Variants in TENM2 observed in about 807,000 individuals in gnomAD.
The protein encoded by TENM2 is teneurin-2.
In TENM2, 52 loss-of-function variants were observed where a neutral mutation model predicts 245.2. That is an observed-to-expected ratio of 0.21 (90% CI 0.17 to 0.27). The LOEUF (loss-of-function observed/expected upper bound fraction) is 0.27. Ranked by LOEUF, TENM2 falls within the 10% of genes least tolerant of loss-of-function variation. TENM2 has a pLI of 1.00. For synonymous variants in TENM2, 1,363 were observed against 1,438.9 expected, an observed-to-expected ratio of 0.95 and a Z score of 1.19; for missense variants, 3,046 against 3,666.8, an observed-to-expected ratio of 0.83 and a Z score of 4.37.
intron 5 of TENM2, among the ~76,000 whole-genome samples, chr5:168,007,546 C>T (rs1196344508): frequency 1.3e-5 from 2 of 152,176 alleles, no homozygotes; most frequent in Non-Finnish European, 2.9e-5. Flanking sequence ...AGATGAGTTT[C>T]AGTCATGATC....
intron 2 of TENM2, among the ~76,000 whole-genome samples, chr5:167,783,174 T>C (rs1262412611): frequency 2.7e-3 from 5 of 1,820 alleles, no homozygotes; most frequent in South Asian, 0.083. Context: ...TAGAAACAGG[T>C]TTTTTTTTTT....
At chr5:167,493,317 C>A (rs1008655760) in intron 2 of TENM2, among the ~76,000 whole-genome samples, 1 of 152,022 alleles carries the variant, frequency 6.6e-6, no homozygotes, top group Non-Finnish European at 1.5e-5. Flanking sequence ...CCTTTATTGG[C>A]ACAATGAGAA....
rs541434383 is a variant in TENM2, at chr5:167,458,749, C to T, written c.502+83276C>T. Among the ~76,000 whole-genome samples the T allele has an allele frequency of 7.9e-5, 12 of 152,196 alleles. No homozygotes were observed. In the South Asian group the frequency reaches 8.3e-4, roughly 11 times the overall value. On this transcript the variant is annotated intron_variant, in intron 2 of 28. Transcript: ENST00000518659. ...ATTATATAAACACATTTTATCCTTA[C>T]AACACCTCTATGAAGAAAATACTAT... is the stretch of plus-strand genomic sequence containing the variant.
At chr5:167,937,450 T>C (rs1778810953) in intron 3 of TENM2, among the ~76,000 whole-genome samples, 1 of 152,166 alleles carries the variant, frequency 6.6e-6, no homozygotes, top group African/African-American at 2.4e-5. Flanking sequence ...GGCAGACTGT[T>C]TTCCAGACTG....
At chr5:167,261,551 G>A in the TENM2 span, among the ~76,000 whole-genome samples, 1 of 152,088 alleles carries the variant, frequency 6.6e-6, no homozygotes, top group South Asian at 2.1e-4. Flanking sequence ...TCCAGGTGAA[G>A]ACAGCAGCAT....
chr5:168,051,370 C>A (rs1224717257), intron 6 of TENM2, among the ~76,000 whole-genome samples: 1 of 152,082 alleles, frequency 6.6e-6, no homozygotes, highest in Non-Finnish European at 1.5e-5. Context: ...TCTATGGCTA[C>A]TTTCAGAATA....
At chr5:167,241,399 G>T in the TENM2 span, among the ~76,000 whole-genome samples, 6 of 152,308 alleles carry the variant, frequency 3.9e-5, no homozygotes, top group Non-Finnish European at 7.3e-5. Flanking sequence ...GAAAGATGGA[G>T]TCAAAATGAA....
intron 2 of TENM2, among the ~76,000 whole-genome samples, chr5:167,576,454 T>G (rs918357554): frequency 5.3e-5 from 8 of 152,168 alleles, no homozygotes; most frequent in African/African-American, 1.9e-4. Context: ...TGAATTATAT[T>G]GAATCATTAC....
At chr5:167,700,697 T>A (rs1427309154) in intron 2 of TENM2, among the ~76,000 whole-genome samples, 2 of 152,190 alleles carry the variant, frequency 1.3e-5, no homozygotes, top group African/African-American at 4.8e-5. Context: ...CTGGGTTATA[T>A]GAAATTATTC....
Position 168,058,549 on chromosome 5 carries a change from T to C in TENM2, c.1310-3511T>C, listed in dbSNP as rs549726467. Among the ~76,000 whole-genome samples the C allele has an allele frequency of 4.0e-4, 61 of 152,176 alleles. 1 individual carries two copies. Among genetic ancestry groups the C allele is most frequent in the South Asian group, 8.3e-4 (4 of 4,818 alleles). ...GTTGGGGTGGTATTGTAAAGGAAAG[T>C]AGAACTTTAGTGTGAAGGTGCACTT... On this transcript the variant is annotated intron_variant, in intron 6 of 28. Transcript: ENST00000518659.
At chr5:167,911,367 A>G (rs1455774561) in intron 3 of TENM2, among the ~76,000 whole-genome samples, 1 of 151,386 alleles carries the variant, frequency 6.6e-6, no homozygotes, top group Non-Finnish European at 1.5e-5. Flanking sequence ...TCTACTAAAA[A>G]TACAAAAAAA....
At position 167,625,290 on chromosome 5, in the gene TENM2, C is replaced by T. The variant is rs184481263; in HGVS notation, c.502+249817C>T. Among the ~76,000 whole-genome samples the T allele has an allele frequency of 5.9e-5, 9 of 152,268 alleles. No homozygotes were observed. In the East Asian group the frequency reaches 1.5e-3, roughly 26 times the overall value. On this transcript the variant is annotated intron_variant, in intron 2 of 28. Coordinates refer to ENST00000518659, the Ensembl canonical transcript of TENM2. Reference sequence around the variant, plus strand: ...CAATACGTTTAATTTTATGTGTGATCGTGTGGCATTGTAAAATATAAGAAG... The same window carrying T: ...CAATACGTTTAATTTTATGTGTGATTGTGTGGCATTGTAAAATATAAGAAG...
At chr5:167,556,428 A>ATATATG (rs1046750559) in intron 2 of TENM2, among the ~76,000 whole-genome samples, 2 of 150,148 alleles carry the variant, frequency 1.3e-5, no homozygotes, top group African/African-American at 4.9e-5. Context: ...TTACATATAT[A>ATATATG]TATATATATA....
At chr5:167,299,117 G>A (rs1755150066) in intron 1 of TENM2, among the ~76,000 whole-genome samples, 1 of 152,166 alleles carries the variant, frequency 6.6e-6, no homozygotes, top group Admixed American at 6.5e-5. Flanking sequence ...TGAGCCTGGT[G>A]AGGTGTGTTT....
chr5:167,181,902 G>T, the TENM2 span, among the ~76,000 whole-genome samples: 2 of 152,128 alleles, frequency 1.3e-5, no homozygotes, highest in African/African-American at 4.8e-5. Context: ...TAGAATTAAA[G>T]CACTTTTCCT....
chr5:168,016,453 T>C (rs1169241139), intron 5 of TENM2, among the ~76,000 whole-genome samples: 3 of 152,270 alleles, frequency 2.0e-5, no homozygotes, highest in African/African-American at 7.2e-5. Flanking sequence ...TTATCTTCAT[T>C]TTATTCCCAC....
At chr5:167,843,198 A>G (rs1769708873) in intron 2 of TENM2, among the ~76,000 whole-genome samples, 3 of 152,218 alleles carry the variant, frequency 2.0e-5, no homozygotes, top group East Asian at 1.9e-4. Flanking sequence ...ATGAAACACA[A>G]TAAGACCATG....
chr5:167,718,597 G>A lies in TENM2; in HGVS notation c.503-157389G>A, dbSNP rs114613251. 2.9e-3 allele frequency among the ~76,000 whole-genome samples: 444 copies of A among 152,250 alleles called. 1 individual carries two copies. Among genetic ancestry groups the A allele is most frequent in the African/African-American group, 0.01 (423 of 41,544 alleles). ...AAAGTCAAATACATAGTTCAAAACA[G>A]GTTAAGTGAGTCTTGATATCTGAAT... is the stretch of plus-strand genomic sequence containing the variant. On this transcript the variant is annotated intron_variant, in intron 2 of 28. Coordinates refer to ENST00000518659, the Ensembl canonical transcript of TENM2.
At chr5:167,392,331 C>T (rs572622878) in intron 2 of TENM2, among the ~76,000 whole-genome samples, 6 of 152,210 alleles carry the variant, frequency 3.9e-5, no homozygotes, top group Non-Finnish European at 8.8e-5. Context: ...TCTGGGTGTG[C>T]CTGAGAGGTT....
Sources: gnomAD v4.1 joint callset for allele counts (sites outside exome capture counted in the v4.1 genomes callset) on GRCh38, gnomAD v4.1.1 for gene constraint, MANE v1.5 for transcripts, NCBI Gene and HGNC (gene_info 2026-07-23, HGNC 2026-07-21) for gene names.